The following PLCG2 variants were observed in gnomAD, a reference collection of about 807,000 sequenced individuals.
The protein encoded by PLCG2 is 1-phosphatidylinositol 4,5-bisphosphate phosphodiesterase gamma-2.
A neutral mutation model predicts 175.6 loss-of-function variants in PLCG2; 69 were observed. The observed-to-expected ratio is 0.39, with a 90% CI of 0.32 to 0.48. PLCG2 has a LOEUF of 0.48. Among genes scored for constraint, PLCG2 ranks in the 20% least tolerant of loss-of-function variants. The probability of loss-of-function intolerance (pLI) is 0.91; values close to 1 mark genes in which losing one functional copy is unlikely to be tolerated. For synonymous variants in PLCG2, 827 were observed against 624.0 expected (o/e 1.33, Z -4.85); for missense variants, 1,798 against 1,650.9 (o/e 1.09, Z -1.54).
chr16:81,823,393 C>T (rs996300006), intron 2 of PLCG2, among the ~76,000 whole-genome samples: 3 of 152,204 alleles, frequency 2.0e-5, no homozygotes, highest in African/African-American at 7.2e-5. Context: ...TGAAATGCTG[C>T]TCCCCACCCC....
chr16:81,928,721 C>A (rs552888143), intron 24 of PLCG2, 97 bp downstream of exon 24: 2 of 812,324 alleles, frequency 2.5e-6, no homozygotes, highest in East Asian at 4.9e-5. Context: ...GACACAGGGT[C>A]CTGTCTTGAA....
At chr16:81,903,581 T>C (rs1211386144) in intron 14 of PLCG2, among the ~76,000 whole-genome samples, 1 of 152,222 alleles carries the variant, frequency 6.6e-6, no homozygotes, top group Non-Finnish European at 1.5e-5. Context: ...GCTGCAGCAC[T>C]GTTTGCACCC....
chr16:81,956,653 G>T (rs1365977992), intron 31 of PLCG2, 42 bp from the exon 32 acceptor site: 1 of 1,567,316 alleles, frequency 6.4e-7, no homozygotes, highest in Non-Finnish European at 8.7e-7. Flanking sequence ...GGTTTGGAAG[G>T]TGTAGTCACC....
At chr16:81,897,512 G>A (rs1273934147) in intron 13 of PLCG2, among the ~76,000 whole-genome samples, 1 of 151,358 alleles carries the variant, frequency 6.6e-6, no homozygotes, top group Non-Finnish European at 1.5e-5. Context: ...CAATAAGATC[G>A]ATTATTTTTT....
chr16:81,897,477 A>C (rs1418025414), intron 13 of PLCG2, among the ~76,000 whole-genome samples: 1 of 151,920 alleles, frequency 6.6e-6, no homozygotes, highest in Non-Finnish European at 1.5e-5. Flanking sequence ...TTAACCCTGC[A>C]CCTGGCATAG....
At chr16:81,816,947 T>A (rs1235147821) in intron 2 of PLCG2, among the ~76,000 whole-genome samples, 2 of 152,178 alleles carry the variant, frequency 1.3e-5, no homozygotes, top group African/African-American at 4.8e-5. Context: ...GAGTCTTCTC[T>A]GAGCTGGGCT....
Position 81,940,026 on chromosome 16 carries a change from C to T in PLCG2, c.3448C>T (p.His1150Tyr), listed in dbSNP as rs762571980. 1 of 1,614,022 alleles carries T rather than the reference C, an allele frequency of 6.2e-7. No homozygotes were observed. ...GTTCAGCGATCCCAACTTTCTTGCT[C>T]ATGCCACTTACCCCATTAAAGCAGT... ...DMFSDPNFLA[H>Y]ATYPIKAVKS... The change falls in exon 30 of 33, where the codon CAT (histidine) becomes TAT (tyrosine). Residue 1150 changes from histidine (H) to tyrosine (Y), a missense_variant. Physicochemically the swap from His to Tyr is moderately conservative, Grantham distance 83 (BLOSUM62 2). Transcript: ENST00000564138.
At chr16:81,812,106 G>C (rs1904345712) in intron 2 of PLCG2, among the ~76,000 whole-genome samples, 2 of 140,346 alleles carry the variant, frequency 1.4e-5, no homozygotes, top group South Asian at 4.5e-4. Context: ...CTGGACTGCA[G>C]TGGCGCTATC....
At chr16:81,786,776 A>G (rs1015924291) in intron 2 of PLCG2, among the ~76,000 whole-genome samples, 9 of 152,234 alleles carry the variant, frequency 5.9e-5, no homozygotes, top group African/African-American at 2.2e-4. Flanking sequence ...CAAATAGAGT[A>G]AAGGCACTTA....
At chr16:81,803,421 C>A (rs759739534) in intron 2 of PLCG2, among the ~76,000 whole-genome samples, 7 of 152,082 alleles carry the variant, frequency 4.6e-5, no homozygotes, top group African/African-American at 7.2e-5. Context: ...ACTAATATTC[C>A]ATTGCATGGA....
intron 14 of PLCG2, among the ~76,000 whole-genome samples, chr16:81,904,797 A>T (rs1408990321): frequency 6.6e-6 from 1 of 152,220 alleles, no homozygotes; most frequent in Admixed American, 6.5e-5. Context: ...AGACAAACAC[A>T]TGGTGTGTGT....
intron 2 of PLCG2, among the ~76,000 whole-genome samples, chr16:81,817,453 A>G (rs893608094): frequency 6.6e-6 from 1 of 152,232 alleles, no homozygotes; most frequent in South Asian, 2.1e-4. Flanking sequence ...GCTGGAGTGC[A>G]TCGTCTTGAG....
chr16:81,770,238 C>G (rs1164461662), intron 2 of PLCG2, among the ~76,000 whole-genome samples: 1 of 152,108 alleles, frequency 6.6e-6, no homozygotes, highest in African/African-American at 2.4e-5. Context: ...CCTCAGGACT[C>G]GCCTGGGTGC....
At chr16:81,769,687 G>A (rs1222271902) in intron 2 of PLCG2, among the ~76,000 whole-genome samples, 1 of 151,084 alleles carries the variant, frequency 6.6e-6, no homozygotes, top group Non-Finnish European at 1.5e-5. Context: ...GGGCGTAGTG[G>A]CGGGCGCCTG....
intron 2 of PLCG2, among the ~76,000 whole-genome samples, chr16:81,811,993 A>G (rs1237278687): frequency 1.3e-5 from 2 of 151,938 alleles, no homozygotes; most frequent in African/African-American, 4.8e-5. Flanking sequence ...CCAACAGTGT[A>G]AAAGCATTCC....
At chr16:81,883,634 G>A in intron 9 of PLCG2, 1 of 461,468 alleles carries the variant, frequency 2.2e-6, no homozygotes, top group Non-Finnish European at 4.0e-6. Context: ...GAGGGGTGAG[G>A]GCCTGAGGAT....
chr16:81,762,064 A>T (rs1447345739), intron 2 of PLCG2, among the ~76,000 whole-genome samples: 1 of 151,700 alleles, frequency 6.6e-6, no homozygotes, highest in African/African-American at 2.4e-5. Context: ...GGAACTCCTG[A>T]CCTCAGGTGA....
rs1643879731 is a variant in PLCG2, at chr16:81,956,819, T to C, written c.3695T>C (p.Val1232Ala). 2 of 1,614,070 alleles carry C rather than the reference T, an allele frequency of 1.2e-6. No individual in the cohort carries two copies. Among genetic ancestry groups the C allele is most frequent in the African/African-American group, 1.3e-5 (1 of 75,014 alleles). Residue 1232 changes from valine (V) to alanine (A), a missense_variant, in exon 32 of 33, where the codon GTT becomes GCT. Physicochemically the swap from Val to Ala is moderately conservative, Grantham distance 64 (BLOSUM62 0). Transcript: ENST00000564138. ...NLRNANRDAL[V>A]KEFSVNENQL... is the part of the protein sequence containing the mutation. ...CGCAATGCCAACCGGGATGCCCTGG[T>C]TAAAGAGTTCAGTGTTAATGAGAAC...
At chr16:81,785,473 T>G (rs1342770574) in intron 1 of PLCG2, among the ~76,000 whole-genome samples, 2 of 144,438 alleles carry the variant, frequency 1.4e-5, no homozygotes, top group Non-Finnish European at 3.0e-5. Context: ...TTCTGAAGGT[T>G]TAGTTTGTTT....
Sources: allele counts gnomAD v4.1 joint callset (sites outside exome capture counted in the v4.1 genomes callset), GRCh38; gene constraint gnomAD v4.1.1; transcripts MANE v1.5; gene names NCBI Gene and HGNC (gene_info 2026-07-23, HGNC 2026-07-21).